SEMA3A: variants seen among roughly 807,000 people sequenced by gnomAD.
SEMA3A encodes semaphorin 3A.
A neutral mutation model predicts 97.9 loss-of-function variants in SEMA3A; 29 were observed. The ratio of observed to expected loss-of-function variants is 0.30; its 90% CI spans 0.22 to 0.40. The LOEUF is 0.40. Among genes scored for constraint, SEMA3A ranks in the 10% least tolerant of loss-of-function variants. The pLI is 1.00. For missense variants in SEMA3A, 763 were observed against 951.3 expected (o/e 0.80, Z 2.60); for synonymous variants, 321 against 323.7 (o/e 0.99, Z 0.09).
intron 2 of SEMA3A, among the ~76,000 whole-genome samples, chr7:84,370,438 G>T (rs1234424456): frequency 6.6e-6 from 1 of 151,514 alleles, no homozygotes; most frequent in East Asian, 1.9e-4. Flanking sequence ...CACCTCTTAA[G>T]ATAAAATATA....
In SEMA3A at chr7:84,174,511, T is replaced by A. The variant is rs73709581; in HGVS notation, c.112+19964A>T. ...TCATTAAGTCTATAATATAATGGTT[T>A]ATATACTGAAACAACTTACGCATCC... On this transcript the variant is annotated intron_variant, in intron 1 of 16. Coordinates refer to ENST00000265362, the MANE Select transcript of SEMA3A (RefSeq NM_006080.3). Among the ~76,000 whole-genome samples the A allele has an allele frequency of 4.0e-3, 605 of 152,330 alleles. 4 individuals carry two copies. Among genetic ancestry groups the A allele is most frequent in the African/African-American group, 0.014 (573 of 41,584 alleles).
At chr7:84,448,744 A>G (rs1434523388) in intron 1 of SEMA3A, among the ~76,000 whole-genome samples, 4 of 152,174 alleles carry the variant, frequency 2.6e-5, no homozygotes, top group African/African-American at 9.6e-5. Flanking sequence ...ACACAAAGTG[A>G]TTTACAAATT....
intron 1 of SEMA3A, among the ~76,000 whole-genome samples, chr7:84,478,874 T>C (rs1487119787): frequency 6.6e-6 from 1 of 152,078 alleles, no homozygotes; most frequent in Non-Finnish European, 1.5e-5. Flanking sequence ...ATTTATTTTT[T>C]ATAAATTTTC....
chr7:84,231,460 C>G (rs1330806430), intron 3 of SEMA3A, among the ~76,000 whole-genome samples: 4 of 151,926 alleles, frequency 2.6e-5, no homozygotes, highest in Non-Finnish European at 5.9e-5. Context: ...AAAAGAAGTT[C>G]TTTGAACATA....
intron 3 of SEMA3A, among the ~76,000 whole-genome samples, chr7:84,248,027 T>C (rs1485133247): frequency 6.6e-6 from 1 of 152,186 alleles, no homozygotes; most frequent in Non-Finnish European, 1.5e-5. Context: ...TGTTGGGCAG[T>C]ATAAAGAAGT....
At chr7:84,310,865 A>G (rs1417226933) in intron 2 of SEMA3A, among the ~76,000 whole-genome samples, 1 of 151,836 alleles carries the variant, frequency 6.6e-6, no homozygotes, top group South Asian at 2.1e-4. Context: ...CTCGCCTTCC[A>G]TTTGTCTCTC....
At chr7:84,467,980 C>T (rs1403506836) in intron 1 of SEMA3A, among the ~76,000 whole-genome samples, 1 of 152,092 alleles carries the variant, frequency 6.6e-6, no homozygotes, top group Non-Finnish European at 1.5e-5. Flanking sequence ...TTATCAAGCC[C>T]TACCAAGCAA....
chr7:84,404,787 C>G (rs1183945160), intron 1 of SEMA3A, among the ~76,000 whole-genome samples: 1 of 151,972 alleles, frequency 6.6e-6, no homozygotes, highest in Non-Finnish European at 1.5e-5. Context: ...TCATATCCAG[C>G]CAAACTAAGC....
intron 1 of SEMA3A, among the ~76,000 whole-genome samples, chr7:84,138,344 G>A (rs1796206032): frequency 6.6e-6 from 1 of 151,802 alleles, no homozygotes; most frequent in South Asian, 2.1e-4. Flanking sequence ...TAAATGTAAT[G>A]GCATTTTAAG....
chr7:84,091,159 GGAAGGAAGGAAAGAAAGAAAGAAA>G (rs1410853419), intron 4 of SEMA3A, among the ~76,000 whole-genome samples: 8 of 25,086 alleles, frequency 3.2e-4, no homozygotes, highest in African/African-American at 1.1e-3. Context: ...AAGGAAGGAA[GGAAGGAAGGAAAGAAAGAAAGAAA>G]GAAAGAAAGA....
At chr7:84,042,317 T>C (rs537654495) in intron 6 of SEMA3A, among the ~76,000 whole-genome samples, 44 of 152,172 alleles carry the variant, frequency 2.9e-4, no homozygotes, top group African/African-American at 1.0e-3. Flanking sequence ...ACGATCCTTT[T>C]AGGAAATTCC....
chr7:84,471,769 G>A (rs1228907), intron 1 of SEMA3A, among the ~76,000 whole-genome samples: 67,020 of 151,808 alleles, frequency 0.44, 16,204 homozygotes, highest in East Asian at 0.62. Flanking sequence ...CCATATTTCT[G>A]TGCATATTTT....
intron 5 of SEMA3A, among the ~76,000 whole-genome samples, chr7:84,056,817 T>C (rs1793002133): frequency 1.3e-5 from 2 of 152,154 alleles, no homozygotes. Context: ...AAATGTAAAA[T>C]TTATAAGGTA....
rs1790855200 is a variant in SEMA3A, at chr7:84,011,061, G to C, written c.956C>G (p.Pro319Arg). Residue 319 changes from proline to arginine, a missense_variant, in exon 9 of 17, where the codon CCT becomes CGT. Around this residue, in one of 2 missense-constraint regions of SEMA3A, gnomAD observed 678 missense variants for 881.3 expected, o/e 0.77. Coordinates refer to ENST00000265362, the MANE Select transcript of SEMA3A (RefSeq NM_006080.3). ...CACTCCATATACAACTGGATTTTTA[G>C]GATCTTTAAAGTTCATTAGGAATAC... ...QDVFLMNFKD[P>R]KNPVVYGVFT... is the part of the protein sequence containing the mutation. 8.1e-6 allele frequency: 13 copies of C among 1,612,088 alleles called. No individual in the cohort carries two copies. The highest frequency in any genetic ancestry group is 1.1e-5 in the Non-Finnish European group (13 of 1,178,820).
chr7:84,202,428 T>C (rs1177672244), intron 3 of SEMA3A, among the ~76,000 whole-genome samples: 2 of 152,188 alleles, frequency 1.3e-5, no homozygotes, highest in Non-Finnish European at 2.9e-5. Context: ...TCACTGCACA[T>C]TTACTGATGC....
At chr7:84,238,976 C>T (rs1205848629) in intron 3 of SEMA3A, among the ~76,000 whole-genome samples, 1 of 152,056 alleles carries the variant, frequency 6.6e-6, no homozygotes, top group Non-Finnish European at 1.5e-5. Flanking sequence ...CTCGGCCTCT[C>T]AAAGTACTGG....
intron 3 of SEMA3A, among the ~76,000 whole-genome samples, chr7:84,212,038 A>G (rs1351788570): frequency 1.3e-5 from 2 of 152,208 alleles, no homozygotes; most frequent in African/African-American, 2.4e-5. Flanking sequence ...AATATGGAAG[A>G]CGAATATTCG....
At chr7:84,143,951 A>T (rs953074447) in intron 1 of SEMA3A, among the ~76,000 whole-genome samples, 5 of 25,646 alleles carry the variant, frequency 1.9e-4, no homozygotes, top group African/African-American at 4.2e-4. Flanking sequence ...TCTCTCTCTA[A>T]CACACACACA....
intron 3 of SEMA3A, among the ~76,000 whole-genome samples, chr7:84,202,218 T>C (rs2116298932): frequency 6.6e-6 from 1 of 152,244 alleles, no homozygotes. Flanking sequence ...AGAGAGTGAA[T>C]GTAAAGTGTT....
Sources: gnomAD v4.1 joint callset for allele counts (sites outside exome capture counted in the v4.1 genomes callset) on GRCh38, gnomAD v4.1.1 for gene constraint, gnomAD v4.1.1 regional missense constraint, MANE v1.5 for transcripts, NCBI Gene and HGNC (gene_info 2026-07-23, HGNC 2026-07-21) for gene names.